CSNK2A2IP: variants seen among roughly 807,000 people sequenced by gnomAD.
CSNK2A2IP encodes the protein casein kinase 2 subunit alpha' interacting protein, also known as casein kinase II subunit alpha'-interacting protein.
chr3:88,394,372 A>G, the CSNK2A2IP span, among the ~76,000 whole-genome samples: 5 of 152,184 alleles, frequency 3.3e-5, no homozygotes, highest in East Asian at 1.9e-4. Context: ...TTTCTTTTCT[A>G]AAAAATTTTT....
chr3:88,459,141 G>A, the CSNK2A2IP span, among the ~76,000 whole-genome samples: 1 of 152,148 alleles, frequency 6.6e-6, no homozygotes, highest in Non-Finnish European at 1.5e-5. Flanking sequence ...GAAGTAGCAA[G>A]GAGCATCTGT....
the CSNK2A2IP span, among the ~76,000 whole-genome samples, chr3:88,387,162 G>T: frequency 1.0e-5 from 1 of 100,164 alleles, no homozygotes; most frequent in Non-Finnish European, 1.9e-5. Flanking sequence ...GCAAACACAT[G>T]CTTTTTTTTT....
chr3:88,455,604 A>G, the CSNK2A2IP span, among the ~76,000 whole-genome samples: 434 of 151,900 alleles, frequency 2.9e-3, 2 homozygotes, highest in African/African-American at 9.8e-3. Context: ...GATATTAACT[A>G]TTTATCGGAT....
the CSNK2A2IP span, among the ~76,000 whole-genome samples, chr3:88,404,106 G>GA: frequency 2.5e-3 from 360 of 144,714 alleles, no homozygotes; most frequent in African/African-American, 7.1e-3. Context: ...AGCAATATCA[G>GA]AAAAAAAAAA....
the CSNK2A2IP span, among the ~76,000 whole-genome samples, chr3:88,398,389 T>C: frequency 3.3e-5 from 5 of 152,158 alleles, no homozygotes; most frequent in African/African-American, 1.2e-4. Flanking sequence ...CCTTGAACTC[T>C]TAAATTATAA....
chr3:88,436,085 A>C, the CSNK2A2IP span, among the ~76,000 whole-genome samples: 1 of 152,060 alleles, frequency 6.6e-6, no homozygotes. Flanking sequence ...AAGAGAAGGA[A>C]GAAAAGACAG....
chr3:88,442,281 G>A, the CSNK2A2IP span, among the ~76,000 whole-genome samples: 2 of 152,056 alleles, frequency 1.3e-5, no homozygotes, highest in African/African-American at 4.8e-5. Context: ...CTCAAGTGAT[G>A]CTCCTGCCTC....
chr3:88,457,730 T>TA, the CSNK2A2IP span, among the ~76,000 whole-genome samples: 1 of 149,846 alleles, frequency 6.7e-6, no homozygotes, highest in African/African-American at 2.4e-5. Context: ...TAAAATAAAA[T>TA]AAAATAAAAT....
chr3:88,362,125 AGGTCAT>A, the CSNK2A2IP span, among the ~76,000 whole-genome samples: 1 of 151,794 alleles, frequency 6.6e-6, no homozygotes, highest in Non-Finnish European at 1.5e-5. Context: ...CTGTTTGGAG[AGGTCAT>A]GTTTTTTCTG....
chr3:88,412,010 G>A, the CSNK2A2IP span, among the ~76,000 whole-genome samples: 31 of 151,754 alleles, frequency 2.0e-4, no homozygotes, highest in Admixed American at 1.1e-3. Context: ...AACACTGTTA[G>A]AAGAATACCC....
At chr3:88,443,486 G>A in the CSNK2A2IP span, among the ~76,000 whole-genome samples, 17 of 152,306 alleles carry the variant, frequency 1.1e-4, no homozygotes, top group South Asian at 3.1e-3. Flanking sequence ...TGGAAGGTAT[G>A]TAGAGGATGA....
At chr3:88,430,753 C>A in the CSNK2A2IP span, among the ~76,000 whole-genome samples, 1 of 151,972 alleles carries the variant, frequency 6.6e-6, no homozygotes, top group African/African-American at 2.4e-5. Flanking sequence ...GAAGTAGTAA[C>A]AACAATGTTC....
the CSNK2A2IP span, among the ~76,000 whole-genome samples, chr3:88,377,937 A>G: frequency 4.6e-3 from 706 of 152,054 alleles, 3 homozygotes; most frequent in African/African-American, 0.016. Flanking sequence ...AGCAATATCA[A>G]TGATATAACA....
chr3:88,426,293 C>G, the CSNK2A2IP span, among the ~76,000 whole-genome samples: 1 of 151,836 alleles, frequency 6.6e-6, no homozygotes, highest in Non-Finnish European at 1.5e-5. Context: ...TCTAATGGTC[C>G]CTGGCAAGTG....
chr3:88,447,235 CT>C, the CSNK2A2IP span, among the ~76,000 whole-genome samples: 1 of 152,062 alleles, frequency 6.6e-6, no homozygotes, highest in Non-Finnish European at 1.5e-5. Context: ...CAAAATTTAG[CT>C]GATTTTCAAG....
At chr3:88,401,439 T>C in the CSNK2A2IP span, among the ~76,000 whole-genome samples, 1 of 152,110 alleles carries the variant, frequency 6.6e-6, no homozygotes, top group African/African-American at 2.4e-5. Flanking sequence ...AGCAAGTGTA[T>C]GGTATCTTAT....
chr3:88,466,293 T>A, the CSNK2A2IP span: 1 of 1,231,782 alleles, frequency 8.1e-7, no homozygotes, highest in Non-Finnish European at 1.0e-6. Flanking sequence ...TCCACCCATC[T>A]GAGAATTTAC....
At chr3:88,433,868 C>T in the CSNK2A2IP span, among the ~76,000 whole-genome samples, 1 of 152,158 alleles carries the variant, frequency 6.6e-6, no homozygotes, top group Non-Finnish European at 1.5e-5. Context: ...CTGCTGCTGT[C>T]TCCACTGGAC....
the CSNK2A2IP span, among the ~76,000 whole-genome samples, chr3:88,359,752 T>A: frequency 6.6e-6 from 1 of 152,234 alleles, no homozygotes; most frequent in African/African-American, 2.4e-5. Context: ...TCAATTTTTA[T>A]AATTTTTTAA....
Sources: gnomAD v4.1 joint callset for allele counts (sites outside exome capture counted in the v4.1 genomes callset) on GRCh38, gnomAD v4.1.1 for gene constraint, MANE v1.5 for transcripts, NCBI Gene and HGNC (gene_info 2026-07-23, HGNC 2026-07-21) for gene names.